Variants in PABPC4L observed in about 807,000 individuals in gnomAD.
PABPC4L encodes poly(A) binding protein cytoplasmic 4 like.
For missense variants in PABPC4L, 452 were observed against 451.4 expected (o/e 1.00, Z -0.01); for synonymous variants, 169 against 164.1 (o/e 1.03, Z -0.23).
chr4:134,016,850 C>T, the PABPC4L span, among the ~76,000 whole-genome samples: 1 of 152,150 alleles, frequency 6.6e-6, no homozygotes, highest in Non-Finnish European at 1.5e-5. Flanking sequence ...CAGGCCCCCT[C>T]CCTTTCCTAC....
At chr4:133,997,875 T>G in the PABPC4L span, among the ~76,000 whole-genome samples, 1 of 152,168 alleles carries the variant, frequency 6.6e-6, no homozygotes, top group Non-Finnish European at 1.5e-5. Flanking sequence ...TTATCTTGTC[T>G]TATCTTTTAA....
chr4:133,988,228 A>G, the PABPC4L span, among the ~76,000 whole-genome samples: 47 of 152,088 alleles, frequency 3.1e-4, no homozygotes, highest in Non-Finnish European at 5.1e-4. Context: ...TCAAAACACA[A>G]TCATGCCTTT....
At chr4:134,136,680 C>T in the PABPC4L span, among the ~76,000 whole-genome samples, 1 of 151,926 alleles carries the variant, frequency 6.6e-6, no homozygotes, top group Non-Finnish European at 1.5e-5. Flanking sequence ...TTACAATATT[C>T]CTTTATTTGT....
chr4:134,005,858 C>A, the PABPC4L span, among the ~76,000 whole-genome samples: 1 of 151,578 alleles, frequency 6.6e-6, no homozygotes, highest in South Asian at 2.1e-4. Flanking sequence ...ATGACTCAAT[C>A]CAAGCAAACG....
At chr4:133,967,275 A>G in the PABPC4L span, among the ~76,000 whole-genome samples, 1 of 152,130 alleles carries the variant, frequency 6.6e-6, no homozygotes, top group East Asian at 1.9e-4. Flanking sequence ...GCTCAAGACC[A>G]GTCTCAGCAA....
At chr4:134,020,921 C>G in the PABPC4L span, among the ~76,000 whole-genome samples, 1 of 151,972 alleles carries the variant, frequency 6.6e-6, no homozygotes, top group Non-Finnish European at 1.5e-5. Flanking sequence ...ATATATTGTA[C>G]TGTTGTAATT....
At chr4:134,060,176 T>G in the PABPC4L span, among the ~76,000 whole-genome samples, 8 of 152,094 alleles carry the variant, frequency 5.3e-5, no homozygotes, top group Non-Finnish European at 1.0e-4. Context: ...GGAATGGCTC[T>G]TTCCAGCAGT....
chr4:134,050,631 G>A, the PABPC4L span, among the ~76,000 whole-genome samples: 1 of 147,714 alleles, frequency 6.8e-6, no homozygotes, highest in Non-Finnish European at 1.5e-5. Context: ...CTTGAATCTG[G>A]GAGGCAGGGG....
chr4:134,114,531 G>C, the PABPC4L span, among the ~76,000 whole-genome samples: 1 of 151,816 alleles, frequency 6.6e-6, no homozygotes, highest in Non-Finnish European at 1.5e-5. Context: ...CAACCAATGA[G>C]GAACTGGGGG....
At chr4:133,976,890 A>G in the PABPC4L span, among the ~76,000 whole-genome samples, 2 of 151,174 alleles carry the variant, frequency 1.3e-5, no homozygotes, top group Non-Finnish European at 3.0e-5. Flanking sequence ...GATTGCAAAA[A>G]TTTTCTCCCA....
At chr4:133,997,784 T>A in the PABPC4L span, among the ~76,000 whole-genome samples, 1 of 152,202 alleles carries the variant, frequency 6.6e-6, no homozygotes, top group Non-Finnish European at 1.5e-5. Context: ...TAATGTCATA[T>A]AAAGTGTTAT....
the PABPC4L span, among the ~76,000 whole-genome samples, chr4:134,020,189 T>C: frequency 6.6e-6 from 1 of 151,996 alleles, no homozygotes; most frequent in African/African-American, 2.4e-5. Flanking sequence ...AAGGCAAGTT[T>C]ATTAAGAAAG....
At chr4:134,102,214 T>A in the PABPC4L span, among the ~76,000 whole-genome samples, 1 of 151,664 alleles carries the variant, frequency 6.6e-6, no homozygotes, top group Middle Eastern at 3.4e-3. Flanking sequence ...TCTCCAAGAA[T>A]ACTGCGTGAT....
the PABPC4L span, among the ~76,000 whole-genome samples, chr4:134,094,968 A>G: frequency 6.6e-6 from 1 of 151,762 alleles, no homozygotes; most frequent in Non-Finnish European, 1.5e-5. Flanking sequence ...AGAAAATTTT[A>G]TATGAAAAAC....
chr4:134,096,562 A>G, the PABPC4L span, among the ~76,000 whole-genome samples: 1 of 151,952 alleles, frequency 6.6e-6, no homozygotes, highest in East Asian at 1.9e-4. Flanking sequence ...CATATTTACA[A>G]TGGCTTAAGT....
the PABPC4L span, among the ~76,000 whole-genome samples, chr4:134,084,579 T>G: frequency 6.6e-6 from 1 of 152,012 alleles, no homozygotes; most frequent in Non-Finnish European, 1.5e-5. Flanking sequence ...AGGAGATGGA[T>G]CTACTAAAAT....
chr4:133,991,811 A>AAATTAGAT, the PABPC4L span, among the ~76,000 whole-genome samples: 1 of 152,150 alleles, frequency 6.6e-6, no homozygotes, highest in African/African-American at 2.4e-5. Flanking sequence ...AGTAATATTT[A>AAATTAGAT]AATTAGATAT....
At chr4:134,145,966 A>T in the PABPC4L span, among the ~76,000 whole-genome samples, 2 of 152,002 alleles carry the variant, frequency 1.3e-5, no homozygotes. Context: ...TGAATATGGC[A>T]GTGGTAATTT....
chr4:133,957,815 T>C, the PABPC4L span, among the ~76,000 whole-genome samples: 2 of 152,220 alleles, frequency 1.3e-5, no homozygotes, highest in Non-Finnish European at 2.9e-5. Context: ...TTGCATCTTC[T>C]GAATTAGTGT....
Sources: gnomAD v4.1 joint callset for allele counts (sites outside exome capture counted in the v4.1 genomes callset) on GRCh38, gnomAD v4.1.1 for gene constraint, MANE v1.5 for transcripts, NCBI Gene and HGNC (gene_info 2026-07-23, HGNC 2026-07-21) for gene names.